Variants in HLCS observed in about 807,000 individuals in gnomAD.
The protein encoded by HLCS is holocarboxylase synthetase.
HLCS carries 53 observed loss-of-function variants against 75.0 expected under a neutral mutation model. The observed-to-expected ratio is 0.71, with a 90% CI of 0.57 to 0.89. HLCS has a LOEUF of 0.89. Among genes scored for constraint, HLCS ranks in the 40% least tolerant of loss-of-function variants. HLCS has a pLI of 0.00. For missense variants in HLCS, 966 were observed against 1,074.0 expected (o/e 0.90, Z 1.41); for synonymous variants, 431 against 428.6 (o/e 1.01, Z -0.07).
intron 6 of HLCS, among the ~76,000 whole-genome samples, chr21:36,795,869 T>C (rs1328401690): frequency 6.6e-6 from 1 of 152,224 alleles, no homozygotes; most frequent in East Asian, 1.9e-4. Context: ...AAATATTCAT[T>C]AAAAATTAAC....
At chr21:36,783,128 G>A (rs2060583291) in intron 6 of HLCS, among the ~76,000 whole-genome samples, 1 of 152,150 alleles carries the variant, frequency 6.6e-6, no homozygotes, top group African/African-American at 2.4e-5. Context: ...ATGGGTTCCT[G>A]GCCATACCAT....
chr21:36,927,760 A>G (rs2066469146), intron 5 of HLCS, among the ~76,000 whole-genome samples: 1 of 152,236 alleles, frequency 6.6e-6, no homozygotes, highest in Admixed American at 6.5e-5. Context: ...GAACAACTTT[A>G]TAGTTCTAGG....
At chr21:36,900,333 T>A (rs577792611) in intron 5 of HLCS, among the ~76,000 whole-genome samples, 1 of 152,198 alleles carries the variant, frequency 6.6e-6, no homozygotes, top group East Asian at 1.9e-4. Context: ...CAGAACTATG[T>A]TTTTATATTT....
chr21:36,936,317 G>T (rs945824147), intron 4 of HLCS, 132 bp downstream of exon 4: 3 of 835,736 alleles, frequency 3.6e-6, no homozygotes, highest in Non-Finnish European at 4.1e-6. Flanking sequence ...AAAGCTCCCA[G>T]CCAATAGTCA....
At chr21:36,930,957 C>T (rs1298481878) in intron 4 of HLCS, among the ~76,000 whole-genome samples, 1 of 152,158 alleles carries the variant, frequency 6.6e-6, no homozygotes, top group East Asian at 1.9e-4. Flanking sequence ...AGTCATATGA[C>T]CTTCCGCAAG....
chr21:36,914,141 A>G (rs772464771), intron 5 of HLCS, among the ~76,000 whole-genome samples: 1 of 152,222 alleles, frequency 6.6e-6, no homozygotes, highest in Non-Finnish European at 1.5e-5. Context: ...ATCCAGAGTT[A>G]GGAGCACGGG....
intron 6 of HLCS, among the ~76,000 whole-genome samples, chr21:36,870,311 A>C (rs936449836): frequency 6.6e-6 from 1 of 152,070 alleles, no homozygotes; most frequent in Non-Finnish European, 1.5e-5. Flanking sequence ...TGGGGGGAGG[A>C]AGAAAAGAGA....
At chr21:36,974,140 C>T (rs1446766653) in intron 1 of HLCS, 1 of 152,260 alleles carries the variant, frequency 6.6e-6, no homozygotes, top group Admixed American at 6.5e-5. Flanking sequence ...ATCCAGGGTC[C>T]CCTGGTGGAA....
At chr21:36,983,289 C>T (rs1049549188) in intron 1 of HLCS, among the ~76,000 whole-genome samples, 1 of 151,866 alleles carries the variant, frequency 6.6e-6, no homozygotes, top group Non-Finnish European at 1.5e-5. Flanking sequence ...TGGCTCACTG[C>T]AACCCCCGCC....
In HLCS at chr21:36,754,372, G is replaced by A. The variant is rs2089476662; in HGVS notation, c.2496C>T (p.Ser832=). 1 of 1,613,852 alleles carries A rather than the reference G, an allele frequency of 6.2e-7. No homozygotes were observed. Among genetic ancestry groups the A allele is most frequent in the South Asian group, 1.1e-5 (1 of 91,026 alleles). Residue 832 remains serine (S), a synonymous_variant, in exon 11 of 11, where the codon TCC becomes TCT. Coordinates refer to ENST00000674895, the MANE Select transcript of HLCS (RefSeq NM_001352514.2). Reference sequence around the variant, plus strand: ...AGCCAGAATCGTCCAGGCCAACGATGGACACCTTTGGTCCCTCTGCGCTGC... The same window carrying A: ...AGCCAGAATCGTCCAGGCCAACGATAGACACCTTTGGTCCCTCTGCGCTGC... ...HLGSAEGPKV[S]IVGLDDSGFL...
chr21:36,979,337 T>C (rs1260244707), intron 1 of HLCS, among the ~76,000 whole-genome samples: 1 of 151,920 alleles, frequency 6.6e-6, no homozygotes, highest in African/African-American at 2.4e-5. Flanking sequence ...GCTATAAATT[T>C]AATGGAGCTG....
chr21:36,925,510 G>A (rs1445577164), intron 5 of HLCS, among the ~76,000 whole-genome samples: 1 of 152,190 alleles, frequency 6.6e-6, no homozygotes, highest in Non-Finnish European at 1.5e-5. Context: ...CCTTCCTGGG[G>A]GCAGCACGTC....
At chr21:36,816,217 A>AC (rs2061658447) in intron 6 of HLCS, among the ~76,000 whole-genome samples, 1 of 151,990 alleles carries the variant, frequency 6.6e-6, no homozygotes, top group Admixed American at 6.6e-5. Context: ...ACATAGTGAG[A>AC]CCCCATCTCT....
intron 6 of HLCS, among the ~76,000 whole-genome samples, chr21:36,857,994 T>G (rs1194598702): frequency 6.6e-6 from 1 of 152,116 alleles, no homozygotes; most frequent in Non-Finnish European, 1.5e-5. Context: ...TTCACCATAT[T>G]GGCCAGGCTG....
chr21:36,796,414 A>G (rs1488905545), intron 6 of HLCS, among the ~76,000 whole-genome samples: 1 of 152,242 alleles, frequency 6.6e-6, no homozygotes, highest in Admixed American at 6.5e-5. Context: ...GTCAGTCCAA[A>G]TGATCTATTA....
chr21:36,915,949 A>T (rs545047333), intron 5 of HLCS, among the ~76,000 whole-genome samples: 5 of 152,270 alleles, frequency 3.3e-5, no homozygotes, highest in African/African-American at 1.2e-4. Context: ...ATTAGGGGGA[A>T]AAACCAAAAC....
chr21:36,810,900 A>G (rs1037454466), intron 6 of HLCS, among the ~76,000 whole-genome samples: 1 of 152,216 alleles, frequency 6.6e-6, no homozygotes, highest in South Asian at 2.1e-4. Flanking sequence ...ATGGGAGCCT[A>G]CTTTTCAAAC....
At position 36,842,029 on chromosome 21, in the gene HLCS, T is replaced by C. The variant is rs79294799; in HGVS notation, c.1892+54831A>G. 1.7e-3 allele frequency among the ~76,000 whole-genome samples: 260 copies of C among 152,316 alleles called. 1 individual carries two copies. Among genetic ancestry groups the C allele is most frequent in the African/African-American group, 6.1e-3 (255 of 41,564 alleles). The stretch of plus-strand genomic sequence containing the variant: ...ACATATGTTCACCAAAAGAATCAGA[T>C]GGTTCATAACAGCATGATTCATAAT... On this transcript the variant is annotated intron_variant, in intron 6 of 10. Transcript: ENST00000674895. The surrounding 1 kb of genome is among the most constrained non-coding windows in gnomAD (Gnocchi z 4.2).
intron 2 of HLCS, chr21:36,947,360 G>A (rs1490316966): frequency 3.9e-5 from 38 of 985,268 alleles, no homozygotes; most frequent in Non-Finnish European, 4.3e-5. Context: ...TTCTAGGAGC[G>A]TGGTCCATGA....
Sources: gnomAD v4.1 joint callset for allele counts (sites outside exome capture counted in the v4.1 genomes callset) on GRCh38, gnomAD v4.1.1 for gene constraint, Gnocchi (gnomAD v3.1) non-coding constraint, MANE v1.5 for transcripts, NCBI Gene and HGNC (gene_info 2026-07-23, HGNC 2026-07-21) for gene names.